Variants in RANBP17 observed in about 807,000 individuals in gnomAD.
The protein encoded by RANBP17 is ran-binding protein 17.
A neutral mutation model predicts 141.2 loss-of-function variants in RANBP17; 158 were observed. The observed-to-expected ratio is 1.12, with a 90% CI of 0.98 to 1.28. The LOEUF is 1.28. RANBP17 is among the 50% of genes most tolerant of loss of function. RANBP17 has a pLI of 0.00. For synonymous variants in RANBP17, 430 were observed against 450.0 expected, an observed-to-expected ratio of 0.96 and a Z score of 0.56; for missense variants, 1,438 against 1,290.7, an observed-to-expected ratio of 1.11 and a Z score of -1.75.
intron 14 of RANBP17, among the ~76,000 whole-genome samples, chr5:171,028,247 A>G (rs193041225): frequency 1.3e-5 from 2 of 152,248 alleles, no homozygotes; most frequent in East Asian, 1.9e-4. Flanking sequence ...AAGACACATT[A>G]TATTTTAAAA....
chr5:170,901,893 G>T (rs1046535541), intron 5 of RANBP17, among the ~76,000 whole-genome samples: 7 of 152,316 alleles, frequency 4.6e-5, no homozygotes, highest in African/African-American at 1.7e-4. Context: ...GAGATCTGCT[G>T]TTAGTCTGAT....
chr5:170,923,619 C>T (rs1772660168), intron 11 of RANBP17, among the ~76,000 whole-genome samples: 1 of 152,212 alleles, frequency 6.6e-6, no homozygotes, highest in African/African-American at 2.4e-5. Flanking sequence ...GTCTCTTAGT[C>T]TCTGAGCATG....
At chr5:170,906,780 A>T (rs767427218) in intron 5 of RANBP17, among the ~76,000 whole-genome samples, 1 of 151,722 alleles carries the variant, frequency 6.6e-6, no homozygotes, top group African/African-American at 2.4e-5. Flanking sequence ...TTTCAAGCTG[A>T]TTTTTGTGTC....
At chr5:171,100,052 G>C (rs1787027264) in intron 14 of RANBP17, among the ~76,000 whole-genome samples, 1 of 152,130 alleles carries the variant, frequency 6.6e-6, no homozygotes, top group African/African-American at 2.4e-5. Context: ...CAGGGTTATT[G>C]GCCTGAAATT....
At chr5:170,910,074 T>G (rs1771410424) in intron 6 of RANBP17, 1 of 181,104 alleles carries the variant, frequency 5.5e-6, no homozygotes, top group Admixed American at 6.2e-5. Context: ...TTTATCTGCT[T>G]GCTTATATTT....
chr5:170,903,694 A>G (rs1387184924), intron 5 of RANBP17: 1 of 302,220 alleles, frequency 3.3e-6, no homozygotes, highest in Non-Finnish European at 6.8e-6. Context: ...GCCCATTGAC[A>G]GTCTTTATTT....
At chr5:170,880,946 C>T (rs564143253) in intron 2 of RANBP17, among the ~76,000 whole-genome samples, 13 of 152,266 alleles carry the variant, frequency 8.5e-5, no homozygotes, top group South Asian at 6.2e-4. Context: ...AAGCACTGAG[C>T]GCCACATGTG....
intron 14 of RANBP17, among the ~76,000 whole-genome samples, chr5:171,061,615 G>C (rs1186821557): frequency 1.3e-5 from 2 of 152,080 alleles, no homozygotes; most frequent in East Asian, 3.8e-4. Context: ...GTGTGGTGTG[G>C]TGCTGAAAAA....
intron 22 of RANBP17, 38 bp from the exon 23 acceptor site, chr5:171,240,890 A>G (rs541507937): frequency 7.2e-7 from 1 of 1,397,676 alleles, no homozygotes; most frequent in African/African-American, 1.4e-5. Context: ...TTTGAATGAC[A>G]TCTACTTATG....
intron 14 of RANBP17, among the ~76,000 whole-genome samples, chr5:171,023,873 T>C (rs1781052109): frequency 6.6e-6 from 1 of 152,226 alleles, no homozygotes; most frequent in Non-Finnish European, 1.5e-5. Flanking sequence ...TCATACATTC[T>C]AGTCCTTCAC....
intron 14 of RANBP17, among the ~76,000 whole-genome samples, chr5:171,052,990 T>TACAGG (rs1266192633): frequency 1.3e-5 from 2 of 152,074 alleles, no homozygotes; most frequent in Non-Finnish European, 2.9e-5. Context: ...GTAGCTACTT[T>TACAGG]CATATTTTTA....
At chr5:171,108,478 A>G (rs1755002310) in intron 14 of RANBP17, among the ~76,000 whole-genome samples, 1 of 152,114 alleles carries the variant, frequency 6.6e-6, no homozygotes, top group South Asian at 2.1e-4. Context: ...AGTGGTACAA[A>G]CACAGCTCAC....
chr5:171,074,130 C>T (rs543247200), intron 14 of RANBP17, among the ~76,000 whole-genome samples: 3 of 152,142 alleles, frequency 2.0e-5, no homozygotes, highest in Non-Finnish European at 4.4e-5. Context: ...ATCAGTCAGA[C>T]TCCACCTTAG....
In RANBP17 at chr5:171,170,151, G is replaced by A; in HGVS notation, c.1732G>A (p.Val578Ile). 1 of 1,585,594 alleles carries A rather than the reference G, an allele frequency of 6.3e-7. No individual in the cohort carries two copies. Among genetic ancestry groups the A allele is most frequent in the Non-Finnish European group, 8.6e-7 (1 of 1,162,726 alleles). The change falls in exon 15 of 28, where the codon GTC (valine) becomes ATC (isoleucine). Residue 578 changes from valine to isoleucine, a missense_variant. Coordinates refer to ENST00000523189, the MANE Select transcript of RANBP17 (RefSeq NM_022897.5). ...TSKVYARMSE[V>I]LGITDDNHVL... is the part of the protein sequence containing the mutation. ...GCAGGTATATGCTCGTATGTCAGAA[G>A]TCTTAGGAATAACAGATGACAACCA...
intron 21 of RANBP17, among the ~76,000 whole-genome samples, chr5:171,217,834 CA>C (rs926291249): frequency 4.6e-5 from 7 of 151,670 alleles, no homozygotes; most frequent in African/African-American, 1.7e-4. Context: ...TTAATTTTTT[CA>C]AAAAAACAGC....
intron 14 of RANBP17, among the ~76,000 whole-genome samples, chr5:171,151,847 A>G (rs999269469): frequency 6.6e-6 from 1 of 152,132 alleles, no homozygotes; most frequent in Non-Finnish European, 1.5e-5. Flanking sequence ...TTCTTCAGTA[A>G]TACAACTAAA....
intron 14 of RANBP17, among the ~76,000 whole-genome samples, chr5:171,037,773 T>A (rs1424380410): frequency 1.3e-5 from 2 of 152,192 alleles, no homozygotes; most frequent in Non-Finnish European, 2.9e-5. Flanking sequence ...GTTCCATTGG[T>A]CTATGCATCT....
intron 5 of RANBP17, among the ~76,000 whole-genome samples, chr5:170,901,338 A>AT (rs892745922): frequency 2.8e-4 from 42 of 151,980 alleles, no homozygotes; most frequent in African/African-American, 9.7e-4. Flanking sequence ...CAACCCCTGC[A>AT]TTTTTTTGCT....
intron 27 of RANBP17, among the ~76,000 whole-genome samples, chr5:171,297,696 G>A (rs116386094): frequency 0.015 from 2,273 of 152,060 alleles, 55 homozygotes; most frequent in African/African-American, 0.052. Context: ...TGTGTACTGC[G>A]TCCTGAGCTG....
Sources: allele counts gnomAD v4.1 joint callset (sites outside exome capture counted in the v4.1 genomes callset), GRCh38; gene constraint gnomAD v4.1.1; transcripts MANE v1.5; gene names NCBI Gene and HGNC (gene_info 2026-07-23, HGNC 2026-07-21).